The following BEND7 variants were observed in gnomAD, a reference collection of about 807,000 sequenced individuals.
BEND7 encodes BEN domain containing 7, also known as BEN domain-containing protein 7.
In BEND7, 28 loss-of-function variants were observed where a neutral mutation model predicts 50.9. That is an observed-to-expected ratio of 0.55 (90% CI 0.41 to 0.75). The LOEUF is 0.75. Ranked by LOEUF, BEND7 falls within the 30% of genes least tolerant of loss-of-function variation. BEND7 has a pLI of 0.00. For synonymous variants in BEND7, 170 were observed against 183.9 expected (o/e 0.92, Z 0.61); for missense variants, 477 against 491.3 (o/e 0.97, Z 0.28).
At chr10:13,521,101 A>G (rs2079049154) in intron 2 of BEND7, among the ~76,000 whole-genome samples, 1 of 151,942 alleles carries the variant, frequency 6.6e-6, no homozygotes, top group South Asian at 2.1e-4. Context: ...CATTCTGCAG[A>G]GGCCCACAGA....
At chr10:13,456,696 G>T (rs1385985361) in intron 6 of BEND7, among the ~76,000 whole-genome samples, 1 of 152,152 alleles carries the variant, frequency 6.6e-6, no homozygotes, top group Non-Finnish European at 1.5e-5. Flanking sequence ...CAACTTCAGG[G>T]TCTTCATCTC....
chr10:13,451,276 A>G (rs1235209177), intron 7 of BEND7, among the ~76,000 whole-genome samples: 1 of 150,250 alleles, frequency 6.7e-6, no homozygotes, highest in Non-Finnish European at 1.5e-5. Context: ...GCAGCCTCAA[A>G]CTCCTGGGCT....
intron 4 of BEND7, 125 bp downstream of exon 4, chr10:13,496,640 GA>G: frequency 2.6e-6 from 3 of 1,168,722 alleles, no homozygotes; most frequent in South Asian, 1.6e-5. Context: ...ACAGATACTT[GA>G]AAAGGCACAG....
At chr10:13,445,111 C>A (rs1274275664) in intron 8 of BEND7, 1 of 152,222 alleles carries the variant, frequency 6.6e-6, no homozygotes, top group Non-Finnish European at 1.5e-5. Flanking sequence ...AGCCACCGCG[C>A]CCGGCCTCTT....
chr10:13,515,928 G>A (rs895178684), intron 2 of BEND7, among the ~76,000 whole-genome samples: 5 of 151,954 alleles, frequency 3.3e-5, no homozygotes, highest in Non-Finnish European at 7.4e-5. Context: ...AATGGTGTAC[G>A]TTTACGCTGC....
intron 4 of BEND7, among the ~76,000 whole-genome samples, 174 bp downstream of exon 4, chr10:13,496,592 T>G (rs2077036426): frequency 6.6e-6 from 1 of 152,188 alleles, no homozygotes; most frequent in Non-Finnish European, 1.5e-5. Context: ...ATGTTTGATT[T>G]GCTAAAGGAA....
intron 3 of BEND7, among the ~76,000 whole-genome samples, chr10:13,499,339 C>T (rs866982217): frequency 6.6e-6 from 1 of 151,962 alleles, no homozygotes; most frequent in Admixed American, 6.6e-5. Flanking sequence ...TGTCCGCCCC[C>T]GCCTTTATCT....
chr10:13,452,763 G>A (rs1399663663), intron 6 of BEND7, 105 bp from the exon 7 acceptor site: 3 of 1,045,860 alleles, frequency 2.9e-6, no homozygotes, highest in Admixed American at 5.7e-5. Context: ...TTCTAAAGGA[G>A]GTCAGTTCTG....
intron 3 of BEND7, among the ~76,000 whole-genome samples, chr10:13,497,138 T>A (rs767128380): frequency 2.6e-5 from 4 of 152,216 alleles, no homozygotes; most frequent in Non-Finnish European, 5.9e-5. Context: ...GGAGCCCGCA[T>A]GCACACACAC....
At chr10:13,463,146 GT>G (rs2073883560) in intron 6 of BEND7, among the ~76,000 whole-genome samples, 1 of 152,114 alleles carries the variant, frequency 6.6e-6, no homozygotes, top group Non-Finnish European at 1.5e-5. Flanking sequence ...GATTGCAAAT[GT>G]TTTTGTGAAA....
chr10:13,469,867 T>C (rs1235887767), intron 6 of BEND7, among the ~76,000 whole-genome samples: 5 of 152,224 alleles, frequency 3.3e-5, no homozygotes, highest in Non-Finnish European at 1.5e-5. Flanking sequence ...TGCAATGCAC[T>C]TTCAGGGCAG....
chr10:13,500,145 A>G, intron 2 of BEND7, 65 bp from the exon 3 acceptor site: 1 of 1,289,106 alleles, frequency 7.8e-7, no homozygotes, highest in East Asian at 2.3e-5. Context: ...TCACTAACCA[A>G]AAAGAAGAGA....
chr10:13,479,148 A>G (rs1241330347), intron 6 of BEND7, among the ~76,000 whole-genome samples: 4 of 151,976 alleles, frequency 2.6e-5, no homozygotes, highest in Non-Finnish European at 5.9e-5. Flanking sequence ...CTGGGACTAC[A>G]GGTGTGCATC....
intron 7 of BEND7, among the ~76,000 whole-genome samples, chr10:13,448,697 G>C (rs1334878302): frequency 6.6e-6 from 1 of 152,138 alleles, no homozygotes; most frequent in East Asian, 1.9e-4. Context: ...ACCTAGGTTG[G>C]ATTAGATTAG....
chr10:13,480,301 C>A (rs1298997987), intron 6 of BEND7, among the ~76,000 whole-genome samples: 2 of 152,126 alleles, frequency 1.3e-5, no homozygotes, highest in African/African-American at 4.8e-5. Flanking sequence ...CAGATGCATG[C>A]TCAAAGGAGG....
intron 6 of BEND7, among the ~76,000 whole-genome samples, chr10:13,455,617 A>G (rs1349251341): frequency 6.6e-6 from 1 of 152,148 alleles, no homozygotes; most frequent in Non-Finnish European, 1.5e-5. Context: ...AACAGGATAC[A>G]GGGAGAAGGA....
intron 6 of BEND7, among the ~76,000 whole-genome samples, chr10:13,472,026 G>A (rs989917072): frequency 6.6e-6 from 1 of 151,732 alleles, no homozygotes; most frequent in East Asian, 1.9e-4. Flanking sequence ...TGTTAGACTC[G>A]GGGTCGATAC....
At chr10:13,483,571 C>T (rs546021172) in intron 5 of BEND7, among the ~76,000 whole-genome samples, 7 of 152,312 alleles carry the variant, frequency 4.6e-5, no homozygotes, top group African/African-American at 9.6e-5. Context: ...AAGTTTGCCA[C>T]GCTGTGCTCA....
Position 13,482,672 on chromosome 10 carries a change from C to G in BEND7, c.838-1548G>C, listed in dbSNP as rs555536230. 2.0e-5 allele frequency among the ~76,000 whole-genome samples: 3 copies of G among 152,350 alleles called. No individual in the cohort carries two copies. In the East Asian group the frequency reaches 5.8e-4, roughly 29 times the overall value. ...ATATCCAGAAAGTCATCTCACACTT[C>G]TGCTTCACTTTGCCATTCCATGTTT... is the stretch of plus-strand genomic sequence containing the variant. On this transcript the variant is annotated intron_variant, in intron 5 of 8. Coordinates refer to ENST00000466271, the MANE Select transcript of BEND7 (RefSeq NM_001369863.1).
Sources: gnomAD v4.1 joint callset for allele counts (sites outside exome capture counted in the v4.1 genomes callset) on GRCh38, gnomAD v4.1.1 for gene constraint, MANE v1.5 for transcripts, NCBI Gene and HGNC (gene_info 2026-07-23, HGNC 2026-07-21) for gene names.